Variants in ZNRF1 observed in about 807,000 individuals in gnomAD.
ZNRF1 encodes the protein zinc and ring finger 1.
Under a neutral mutation model 18.4 loss-of-function variants are expected in ZNRF1, and 3 were observed. The observed-to-expected ratio is 0.16, with a 90% CI of 0.07 to 0.42. The LOEUF (loss-of-function observed/expected upper bound fraction) is 0.42. Ranked by LOEUF, ZNRF1 falls within the 10% of genes least tolerant of loss-of-function variation. The pLI is 0.99. For missense variants in ZNRF1, 310 were observed against 329.8 expected, an observed-to-expected ratio of 0.94 and a Z score of 0.47; for synonymous variants, 157 against 144.2, an observed-to-expected ratio of 1.09 and a Z score of -0.64.
chr16:75,106,615 C>T, intron 4 of ZNRF1, 44 bp downstream of exon 4: 1 of 1,575,700 alleles, frequency 6.3e-7, no homozygotes. Context: ...GGCTTGGGGT[C>T]AGGTCACTTT....
In ZNRF1 at chr16:75,106,536, C is replaced by A. The variant is rs1343251460; in HGVS notation, c.681C>A (p.Asp227Glu). 1 of 1,614,128 alleles carries A rather than the reference C, an allele frequency of 6.2e-7. No individual in the cohort carries two copies. The highest frequency in any genetic ancestry group is 1.1e-5 in the South Asian group (1 of 91,086). The stretch of plus-strand genomic sequence containing the variant: ...GATCTTGTCCGGAACACCCTGCGGA[C>A]TGACCTGCGGGCTTGCTTGCTGACT... Reference protein sequence around the residue: ...VNRSCPEHPAD With the variant: ...VNRSCPEHPAE Residue 227 changes from aspartate (D) to glutamate (E), a missense_variant, in exon 4 of 5, where the codon GAC becomes GAA. Asp to Glu is a conservative substitution (Grantham distance 45). Transcript: ENST00000335325.
At chr16:75,043,361 C>T (rs2035473266) in intron 1 of ZNRF1, among the ~76,000 whole-genome samples, 1 of 152,160 alleles carries the variant, frequency 6.6e-6, no homozygotes, top group Non-Finnish European at 1.5e-5. Flanking sequence ...GCTTCCCTTC[C>T]TCAGTTTTAC....
chr16:75,103,298 T>C (rs1287282797), intron 2 of ZNRF1, among the ~76,000 whole-genome samples: 1 of 152,234 alleles, frequency 6.6e-6, no homozygotes, highest in Non-Finnish European at 1.5e-5. Context: ...TCTTTCTTTT[T>C]AAACATTGAG....
intron 1 of ZNRF1, among the ~76,000 whole-genome samples, chr16:75,010,701 G>GTGTTTTTTTTT (rs2034983865): frequency 1.6e-5 from 1 of 63,768 alleles, no homozygotes; most frequent in African/African-American, 4.5e-5. Flanking sequence ...GTACTGTACT[G>GTGTTTTTTTTT]TTTTTTTTTG....
chr16:75,019,798 C>G (rs1024215849), intron 1 of ZNRF1, among the ~76,000 whole-genome samples: 4 of 152,122 alleles, frequency 2.6e-5, no homozygotes, highest in African/African-American at 9.7e-5. Flanking sequence ...AGTCGCGGCT[C>G]ACTGCAGCCT....
chr16:75,090,732 C>T (rs2036127665), intron 1 of ZNRF1, among the ~76,000 whole-genome samples: 1 of 151,970 alleles, frequency 6.6e-6, no homozygotes, highest in South Asian at 2.1e-4. Context: ...GTTAGCCAGG[C>T]CCTGAATTTT....
Position 75,108,664 on chromosome 16 carries a change from A to G in ZNRF1, c.*964A>G, listed in dbSNP as rs920280743. The G allele has an allele frequency of 2.0e-5, 8 of 398,810 alleles. No homozygotes were observed. Among genetic ancestry groups the G allele is most frequent in the African/African-American group, 1.6e-4 (8 of 48,758 alleles). 24.7% of individuals were successfully genotyped at this position (398,810 alleles called of 1,614,324 possible). On this transcript the variant is annotated 3_prime_UTR_variant, in exon 5 of 5. Coordinates refer to ENST00000335325, the MANE Select transcript of ZNRF1 (RefSeq NM_032268.5). Reference sequence around the variant, plus strand: ...AAAGCTTGGGAGAAAAGCTTTCTTCATTAGTCAAGGTGTTTTGATATGGTA... The same window carrying G: ...AAAGCTTGGGAGAAAAGCTTTCTTCGTTAGTCAAGGTGTTTTGATATGGTA...
intron 1 of ZNRF1, among the ~76,000 whole-genome samples, chr16:75,043,414 C>T (rs760495678): frequency 6.6e-6 from 1 of 152,114 alleles, no homozygotes; most frequent in Non-Finnish European, 1.5e-5. Context: ...TTTGGCTGTT[C>T]TTCTTTTACA....
intron 1 of ZNRF1, among the ~76,000 whole-genome samples, chr16:75,038,116 A>G (rs1000724526): frequency 2.0e-5 from 3 of 152,230 alleles, no homozygotes; most frequent in Admixed American, 6.5e-5. Context: ...GTTAGGCAAC[A>G]AAACCTACCT....
intron 1 of ZNRF1, among the ~76,000 whole-genome samples, chr16:75,067,139 A>G (rs192648625): frequency 6.6e-6 from 1 of 152,244 alleles, no homozygotes; most frequent in African/African-American, 2.4e-5. Flanking sequence ...GTTTATGTGT[A>G]CATTTTCCAT....
chr16:75,020,001 G>A (rs148299599), intron 1 of ZNRF1, among the ~76,000 whole-genome samples: 91 of 152,304 alleles, frequency 6.0e-4, no homozygotes, highest in Middle Eastern at 3.4e-3. Flanking sequence ...GTGAGCCACC[G>A]CGCCCAGCCA....
chr16:75,073,705 A>G (rs948678879), intron 1 of ZNRF1, among the ~76,000 whole-genome samples: 1 of 152,030 alleles, frequency 6.6e-6, no homozygotes, highest in South Asian at 2.1e-4. Flanking sequence ...GCTGCTGCAT[A>G]GTATTCATCA....
chr16:75,075,092 G>T (rs2035922182), intron 1 of ZNRF1, among the ~76,000 whole-genome samples: 1 of 150,878 alleles, frequency 6.6e-6, no homozygotes, highest in Non-Finnish European at 1.5e-5. Context: ...GCACTTCCAG[G>T]TGGGGGTGGG....
At chr16:75,081,853 C>G (rs1276545715) in intron 1 of ZNRF1, among the ~76,000 whole-genome samples, 1 of 152,232 alleles carries the variant, frequency 6.6e-6, no homozygotes, top group African/African-American at 2.4e-5. Flanking sequence ...AATAAGACAT[C>G]TCCAAAATAC....
chr16:75,003,499 C>G (rs1168496333), intron 1 of ZNRF1, among the ~76,000 whole-genome samples: 3 of 152,272 alleles, frequency 2.0e-5, no homozygotes, highest in African/African-American at 2.4e-5. Context: ...TCTCCCACCC[C>G]CATTGTGCAG....
intron 1 of ZNRF1, among the ~76,000 whole-genome samples, chr16:75,012,820 T>G (rs1346439707): frequency 6.6e-6 from 1 of 152,246 alleles, no homozygotes; most frequent in African/African-American, 2.4e-5. Flanking sequence ...AAGATTTGCT[T>G]TCCTTTGGAG....
rs557801503 is a variant in ZNRF1 at position 75,095,820 on chromosome 16, G to A, written c.520+2153G>A. 110 of 1,388,402 alleles carry A rather than the reference G, an allele frequency of 7.9e-5. No homozygotes were observed. The Middle Eastern group carries it at 1.6e-3, about 20-fold the overall frequency. 86.0% of individuals were successfully genotyped at this position (1,388,402 alleles called of 1,614,324 possible). ...ACCATGTGTCCCCCTGTCCCCCTCT[G>A]TATCAGCACTTGAGTGCCTGGCGCT... On this transcript the variant is annotated intron_variant, in intron 2 of 4. Transcript: ENST00000335325.
chr16:75,066,481 A>G (rs910032204), intron 1 of ZNRF1, among the ~76,000 whole-genome samples: 16 of 152,206 alleles, frequency 1.1e-4, no homozygotes, highest in African/African-American at 3.6e-4. Flanking sequence ...ATCCTGTACC[A>G]AAAATCTACA....
At chr16:75,051,771 T>G (rs919429227) in intron 1 of ZNRF1, among the ~76,000 whole-genome samples, 1 of 151,876 alleles carries the variant, frequency 6.6e-6, no homozygotes, top group African/African-American at 2.4e-5. Context: ...CCACCTCAGC[T>G]TCCCGAAGTG....
Sources: gnomAD v4.1 joint callset for allele counts (sites outside exome capture counted in the v4.1 genomes callset) on GRCh38, gnomAD v4.1.1 for gene constraint, MANE v1.5 for transcripts, NCBI Gene and HGNC (gene_info 2026-07-23, HGNC 2026-07-21) for gene names.